Variants in CORO1C observed in about 807,000 individuals in gnomAD.
The protein encoded by CORO1C is coronin-1C.
In CORO1C, 14 loss-of-function variants were observed where a neutral mutation model predicts 51.2. That is an observed-to-expected ratio of 0.27 (90% CI 0.18 to 0.43). The LOEUF is 0.43. CORO1C is among the 20% of genes least tolerant of loss of function. The pLI, the probability that CORO1C is intolerant of heterozygous loss-of-function variation, is 1.00. For missense variants in CORO1C, 417 were observed against 607.8 expected (o/e 0.69, Z 3.30); for synonymous variants, 181 against 210.5 (o/e 0.86, Z 1.21).
intron 2 of CORO1C, among the ~76,000 whole-genome samples, chr12:108,697,699 ACTT>A (rs1048104782): frequency 7.9e-5 from 12 of 152,164 alleles, no homozygotes; most frequent in African/African-American, 2.9e-4. Flanking sequence ...TCGAGGCTGT[ACTT>A]CTAATGAGGA....
chr12:108,647,653 G>C (rs1270723942), intron 10 of CORO1C, 131 bp from the exon 11 acceptor site: 10 of 632,998 alleles, frequency 1.6e-5, no homozygotes, highest in Admixed American at 3.1e-5. Context: ...AAGTTGAAAA[G>C]AGAAGTCAAA....
At chr12:108,713,627 A>T (rs1355831418) in intron 1 of CORO1C, among the ~76,000 whole-genome samples, 1 of 152,224 alleles carries the variant, frequency 6.6e-6, no homozygotes, top group Non-Finnish European at 1.5e-5. Context: ...TCCAAAGCTC[A>T]TCAATTCCAG....
intron 7 of CORO1C, among the ~76,000 whole-genome samples, chr12:108,653,703 T>C (rs1240035237): frequency 1.3e-5 from 2 of 152,184 alleles, no homozygotes; most frequent in Admixed American, 6.5e-5. Context: ...AGTCTCCCTA[T>C]AACTGTTATC....
At chr12:108,656,514 G>A (rs1324869437) in intron 6 of CORO1C, among the ~76,000 whole-genome samples, 2 of 152,164 alleles carry the variant, frequency 1.3e-5, no homozygotes, top group Non-Finnish European at 2.9e-5. Context: ...GAATTGAGGA[G>A]CCCCTCTGCC....
intron 8 of CORO1C, chr12:108,652,024 C>CAA (rs953415380): frequency 1.6e-4 from 23 of 143,244 alleles, no homozygotes; most frequent in South Asian, 2.3e-4. Flanking sequence ...GACTCCGTCT[C>CAA]AAAAAAAAAA....
chr12:108,710,189 G>A (rs1180536172), intron 1 of CORO1C, among the ~76,000 whole-genome samples: 1 of 152,106 alleles, frequency 6.6e-6, no homozygotes, highest in Non-Finnish European at 1.5e-5. Flanking sequence ...GCAGGAATAG[G>A]TTGAGAACAC....
At chr12:108,654,917 G>GCTGGTCTCCAACTCCCAGC (rs2032868624) in intron 6 of CORO1C, among the ~76,000 whole-genome samples, 1 of 152,120 alleles carries the variant, frequency 6.6e-6, no homozygotes, top group African/African-American at 2.4e-5. Context: ...TGTTGGCCAG[G>GCTGGTCTCCAACTCCCAGC]CTGGTCTCCA....
At chr12:108,698,703 G>A (rs554468559) in intron 2 of CORO1C, among the ~76,000 whole-genome samples, 25 of 152,338 alleles carry the variant, frequency 1.6e-4, no homozygotes, top group African/African-American at 5.3e-4. Context: ...CACTGTGCCC[G>A]GCCAGAAAAT....
chr12:108,650,690 A>G (rs1253529579), intron 8 of CORO1C, among the ~76,000 whole-genome samples: 1 of 152,240 alleles, frequency 6.6e-6, no homozygotes, highest in Non-Finnish European at 1.5e-5. Context: ...AGCAAGTAGC[A>G]TATTTAGCAC....
intron 1 of CORO1C, among the ~76,000 whole-genome samples, chr12:108,719,825 T>C (rs891865144): frequency 2.9e-4 from 44 of 152,344 alleles, no homozygotes; most frequent in African/African-American, 9.1e-4. Context: ...TCTTGCCATA[T>C]CTATCTTCAT....
At chr12:108,720,770 G>A (rs1475698671) in intron 1 of CORO1C, among the ~76,000 whole-genome samples, 6 of 151,934 alleles carry the variant, frequency 3.9e-5, no homozygotes, top group East Asian at 1.9e-4. Context: ...TGATCCACCC[G>A]CCTCAGCCTC....
intron 8 of CORO1C, 39 bp from the exon 9 acceptor site, chr12:108,649,059 A>T (rs766965975): frequency 6.2e-6 from 10 of 1,603,090 alleles, no homozygotes; most frequent in Non-Finnish European, 7.7e-6. Flanking sequence ...CATTAAGTGA[A>T]ATATGAGGCT....
chr12:108,675,786 T>C (rs2033885627), intron 3 of CORO1C, among the ~76,000 whole-genome samples: 1 of 152,220 alleles, frequency 6.6e-6, no homozygotes, highest in Non-Finnish European at 1.5e-5. Context: ...CCAGACACTG[T>C]GACATCATGT....
intron 2 of CORO1C, among the ~76,000 whole-genome samples, chr12:108,687,906 A>T (rs1019980744): frequency 6.6e-6 from 1 of 151,348 alleles, no homozygotes; most frequent in Non-Finnish European, 1.5e-5. Flanking sequence ...ACTTATTAAC[A>T]ATGTATCCCC....
chr12:108,678,794 T>C (rs2034005838), intron 2 of CORO1C, among the ~76,000 whole-genome samples: 1 of 147,034 alleles, frequency 6.8e-6, no homozygotes, highest in Non-Finnish European at 1.5e-5. Flanking sequence ...TCCTCCAATA[T>C]ATAAATTACC....
chr12:108,694,726 T>C (rs2034616803), intron 2 of CORO1C, among the ~76,000 whole-genome samples: 1 of 152,208 alleles, frequency 6.6e-6, no homozygotes, highest in Non-Finnish European at 1.5e-5. Context: ...TTGAAAGGAA[T>C]CCCTCAATTA....
chr12:108,675,859 G>C (rs1415148538), intron 3 of CORO1C, among the ~76,000 whole-genome samples: 1 of 152,180 alleles, frequency 6.6e-6, no homozygotes, highest in Non-Finnish European at 1.5e-5. Context: ...GACAGAACCT[G>C]AATCTGACCG....
At chr12:108,653,778 C>T (rs542535359) in intron 7 of CORO1C, among the ~76,000 whole-genome samples, 1 of 152,158 alleles carries the variant, frequency 6.6e-6, no homozygotes, top group African/African-American at 2.4e-5. Context: ...ACCCCAGGAA[C>T]AAGAACCCTC....
chr12:108,654,338 G>A lies in CORO1C; in HGVS notation c.823C>T (p.Pro275Ser). The A allele has an allele frequency of 6.2e-7, 1 of 1,612,516 alleles. No homozygotes were observed. The highest frequency in any genetic ancestry group is 8.5e-7 in the Non-Finnish European group (1 of 1,178,700). The change falls in exon 7 of 11, where the codon CCT becomes TCT. Residue 275 changes from proline to serine, a missense_variant. Physicochemically the swap from Pro to Ser is moderately conservative, Grantham distance 74. Transcript: ENST00000261401. ...CATAAGTAAATGATGCTGGTGTCAGGGTCATAGAAAGGCAGCAACACCCCA... is the reference window on the plus strand; with the variant it reads ...CATAAGTAAATGATGCTGGTGTCAGAGTCATAGAAAGGCAGCAACACCCCA... ...SNGVLLPFYDPDTSIIYLCGK... is the reference protein window; with the variant it reads ...SNGVLLPFYDSDTSIIYLCGK...
Sources: allele counts gnomAD v4.1 joint callset (sites outside exome capture counted in the v4.1 genomes callset), GRCh38; gene constraint gnomAD v4.1.1; transcripts MANE v1.5; gene names NCBI Gene and HGNC (gene_info 2026-07-23, HGNC 2026-07-21).